SLC24A2: variants seen among roughly 807,000 people sequenced by gnomAD.
SLC24A2 encodes solute carrier family 24 member 2.
SLC24A2 carries 36 observed loss-of-function variants against 62.0 expected under a neutral mutation model. The ratio of observed to expected loss-of-function variants is 0.58; its 90% CI spans 0.44 to 0.77. The LOEUF (loss-of-function observed/expected upper bound fraction) is 0.77. Among genes scored for constraint, SLC24A2 ranks in the 30% least tolerant of loss-of-function variants. The pLI, the probability that SLC24A2 is intolerant of heterozygous loss-of-function variation, is 0.00. For synonymous variants in SLC24A2, 358 were observed against 294.0 expected (o/e 1.22, Z -2.23); for missense variants, 846 against 817.9 (o/e 1.03, Z -0.42).
the SLC24A2 span, among the ~76,000 whole-genome samples, chr9:20,056,698 T>C: frequency 6.6e-6 from 1 of 152,202 alleles, no homozygotes; most frequent in Non-Finnish European, 1.5e-5. Flanking sequence ...GCATATGACC[T>C]GATCTCTGCC....
the SLC24A2 span, among the ~76,000 whole-genome samples, chr9:19,836,327 C>A: frequency 6.6e-6 from 1 of 152,056 alleles, no homozygotes; most frequent in African/African-American, 2.4e-5. Flanking sequence ...TGATAGACCA[C>A]TAGCAAGACT....
At chr9:19,767,769 T>C (rs147418936) in intron 2 of SLC24A2, among the ~76,000 whole-genome samples, 2 of 152,326 alleles carry the variant, frequency 1.3e-5, no homozygotes, top group South Asian at 2.1e-4. Context: ...CAGGAACTTA[T>C]CTGTAAAATC....
the SLC24A2 span, among the ~76,000 whole-genome samples, chr9:20,171,675 T>A: frequency 6.6e-6 from 1 of 152,076 alleles, no homozygotes; most frequent in African/African-American, 2.4e-5. Flanking sequence ...ATCAAAATCC[T>A]AACTATATAA....
At chr9:19,578,358 C>CA (rs3085616) in intron 5 of SLC24A2, among the ~76,000 whole-genome samples, 14,119 of 134,836 alleles carry the variant, frequency 0.1, 796 homozygotes, top group African/African-American at 0.14. Flanking sequence ...TGCAATAAGC[C>CA]AAAAAAAAAA....
At chr9:20,018,900 C>T in the SLC24A2 span, among the ~76,000 whole-genome samples, 2 of 151,852 alleles carry the variant, frequency 1.3e-5, no homozygotes, top group African/African-American at 4.8e-5. Context: ...CCTGTGTCTA[C>T]AAAACATGCA....
chr9:19,669,881 C>A (rs1435592132), intron 2 of SLC24A2, among the ~76,000 whole-genome samples: 1 of 152,202 alleles, frequency 6.6e-6, no homozygotes, highest in Non-Finnish European at 1.5e-5. Flanking sequence ...TTCACAGGTT[C>A]CAATGATGAG....
intron 8 of SLC24A2, among the ~76,000 whole-genome samples, chr9:19,530,493 G>C (rs1388830906): frequency 1.3e-5 from 2 of 152,122 alleles, no homozygotes; most frequent in African/African-American, 4.8e-5. Flanking sequence ...TTTTAACTTT[G>C]TACCTCTGCC....
the SLC24A2 span, among the ~76,000 whole-genome samples, chr9:20,003,633 G>A: frequency 7.9e-5 from 12 of 152,156 alleles, no homozygotes; most frequent in Non-Finnish European, 1.3e-4. Flanking sequence ...TCAGGGGTTG[G>A]CATTTAAAGG....
At chr9:20,040,965 G>C in the SLC24A2 span, among the ~76,000 whole-genome samples, 135 of 152,338 alleles carry the variant, frequency 8.9e-4, no homozygotes, top group African/African-American at 3.2e-3. Context: ...GCACAGATCT[G>C]TTTAATTCCT....
chr9:20,094,099 C>T, the SLC24A2 span, among the ~76,000 whole-genome samples: 2 of 151,900 alleles, frequency 1.3e-5, no homozygotes, highest in Non-Finnish European at 1.5e-5. Flanking sequence ...ACTGATAGTC[C>T]GAAGCAATGA....
chr9:19,820,042 C>CGTGTATAT, the SLC24A2 span, among the ~76,000 whole-genome samples: 2 of 32,862 alleles, frequency 6.1e-5, no homozygotes, highest in African/African-American at 1.4e-4. Flanking sequence ...TATATATATA[C>CGTGTATAT]ATATATATAT....
chr9:19,915,336 G>C, the SLC24A2 span, among the ~76,000 whole-genome samples: 1 of 152,050 alleles, frequency 6.6e-6, no homozygotes, highest in Non-Finnish European at 1.5e-5. Context: ...TTCATCAATT[G>C]ATAGACATTT....
At chr9:20,021,956 G>A in the SLC24A2 span, among the ~76,000 whole-genome samples, 1 of 151,972 alleles carries the variant, frequency 6.6e-6, no homozygotes, top group East Asian at 1.9e-4. Context: ...TTATTCTAGT[G>A]AATACCCGAA....
At chr9:19,955,376 G>GT in the SLC24A2 span, among the ~76,000 whole-genome samples, 2 of 108,224 alleles carry the variant, frequency 1.8e-5, no homozygotes, top group Non-Finnish European at 4.2e-5. Flanking sequence ...GAAATTCTCA[G>GT]GTTTTTTTTT....
At chr9:20,302,623 T>C in the SLC24A2 span, among the ~76,000 whole-genome samples, 1 of 152,230 alleles carries the variant, frequency 6.6e-6, no homozygotes. Flanking sequence ...TTCTTTTGGA[T>C]AGCAGTCCTT....
intron 2 of SLC24A2, among the ~76,000 whole-genome samples, chr9:19,678,258 A>G (rs1819616211): frequency 6.6e-6 from 1 of 152,148 alleles, no homozygotes; most frequent in Non-Finnish European, 1.5e-5. Context: ...TCTTTCCACT[A>G]CACCACCCAA....
the SLC24A2 span, among the ~76,000 whole-genome samples, chr9:19,795,983 A>C: frequency 5.7e-4 from 86 of 152,106 alleles, no homozygotes; most frequent in African/African-American, 2.0e-3. Flanking sequence ...GACATGGATG[A>C]AGCTGGAAAC....
At chr9:20,154,426 T>C in the SLC24A2 span, among the ~76,000 whole-genome samples, 3 of 151,646 alleles carry the variant, frequency 2.0e-5, no homozygotes, top group Non-Finnish European at 2.9e-5. Context: ...AAGGTTAAAA[T>C]GCAAACTAGA....
chr9:20,082,217 C>A, the SLC24A2 span, among the ~76,000 whole-genome samples: 14 of 152,210 alleles, frequency 9.2e-5, no homozygotes, highest in Admixed American at 8.5e-4. Context: ...ATACCCTCAA[C>A]CAGAGTGCTT....
Sources: allele counts gnomAD v4.1 joint callset (sites outside exome capture counted in the v4.1 genomes callset), GRCh38; gene constraint gnomAD v4.1.1; transcripts MANE v1.5; gene names NCBI Gene and HGNC (gene_info 2026-07-23, HGNC 2026-07-21).